The following NAA11 variants were observed in gnomAD, a reference collection of about 807,000 sequenced individuals.
NAA11 encodes N-alpha-acetyltransferase 11, NatA catalytic subunit.
A neutral mutation model predicts 16.1 loss-of-function variants in NAA11; 15 were observed. The ratio of observed to expected loss-of-function variants is 0.93; its 90% CI spans 0.62 to 1.44. The LOEUF (loss-of-function observed/expected upper bound fraction) is 1.44, where lower values mean the gene tolerates loss of function less well. NAA11 is among the 40% of genes most tolerant of loss of function. The pLI is 0.00. For synonymous variants in NAA11, 122 were observed against 112.4 expected, an observed-to-expected ratio of 1.09 and a Z score of -0.54; for missense variants, 298 against 291.3, an observed-to-expected ratio of 1.02 and a Z score of -0.17.
chr4:79,193,710 C>G, the NAA11 span, among the ~76,000 whole-genome samples: 1 of 152,262 alleles, frequency 6.6e-6, no homozygotes, highest in East Asian at 1.9e-4. Context: ...GCAATGCGGG[C>G]TCTTTTTTGG....
At chr4:79,167,205 A>G in the NAA11 span, among the ~76,000 whole-genome samples, 4 of 114,788 alleles carry the variant, frequency 3.5e-5, no homozygotes, top group African/African-American at 1.3e-4. Flanking sequence ...ATACATACAT[A>G]TATATACATA....
chr4:79,248,689 A>T (rs921260353), intron 2 of NAA11, among the ~76,000 whole-genome samples: 14 of 152,158 alleles, frequency 9.2e-5, no homozygotes, highest in Admixed American at 2.6e-4. Flanking sequence ...GAACATGTGC[A>T]TAGAGGGCAG....
At chr4:79,271,994 A>ATG (rs1491475996) in intron 2 of NAA11, among the ~76,000 whole-genome samples, 16 of 151,198 alleles carry the variant, frequency 1.1e-4, no homozygotes, top group African/African-American at 2.4e-4. Flanking sequence ...ATATATATAT[A>ATG]TGTATACACA....
chr4:79,312,334 A>G (rs999945649), downstream of NAA11, among the ~76,000 whole-genome samples: 3 of 152,096 alleles, frequency 2.0e-5, no homozygotes, highest in Non-Finnish European at 4.4e-5. Context: ...TGGTTTACTA[A>G]TGTTTTATTT....
chr4:79,187,906 G>A, the NAA11 span, among the ~76,000 whole-genome samples: 1 of 149,594 alleles, frequency 6.7e-6, no homozygotes, highest in Non-Finnish European at 1.5e-5. Flanking sequence ...GGCTGAGGCA[G>A]GAGAATGGCG....
intron 1 of NAA11, among the ~76,000 whole-genome samples, chr4:79,304,192 G>T (rs751484382): frequency 2.0e-5 from 3 of 152,118 alleles, no homozygotes; most frequent in Non-Finnish European, 4.4e-5. Context: ...ATGAACCTCA[G>T]CATCTGTAGA....
the NAA11 span, among the ~76,000 whole-genome samples, chr4:79,182,446 C>T: frequency 6.6e-6 from 1 of 152,092 alleles, no homozygotes; most frequent in Non-Finnish European, 1.5e-5. Context: ...ACACATCTAC[C>T]ATGTTAATGT....
chr4:79,186,269 G>T, the NAA11 span, among the ~76,000 whole-genome samples: 4 of 152,124 alleles, frequency 2.6e-5, no homozygotes, highest in Non-Finnish European at 5.9e-5. Context: ...TAATGGTAAT[G>T]ATATTATATG....
intron 2 of NAA11, among the ~76,000 whole-genome samples, chr4:79,226,844 T>G (rs1721328846): frequency 1.3e-5 from 2 of 152,032 alleles, no homozygotes; most frequent in South Asian, 4.1e-4. Context: ...GACATTTGGG[T>G]TGGTTCCAAG....
At chr4:79,290,220 GAC>G (rs1408325367) in intron 2 of NAA11, among the ~76,000 whole-genome samples, 1 of 152,128 alleles carries the variant, frequency 6.6e-6, no homozygotes, top group Non-Finnish European at 1.5e-5. Flanking sequence ...TTCTCTGGTT[GAC>G]ACAGTTGTGG....
At position 79,317,276 on chromosome 4, in the gene NAA11, C is replaced by T. The variant is rs1384339003; in HGVS notation, c.*528G>A. 6.6e-6 allele frequency: 1 copy of T among 151,858 alleles called. No individual in the cohort carries two copies. Among genetic ancestry groups the T allele is most frequent in the African/African-American group, 2.4e-5 (1 of 41,310 alleles). The allele number at this position is 151,858 out of a possible 1,614,324, so 9.4% of individuals were successfully genotyped here. ...GGGGAATAGTATAAAGGAGGAGTTACCAGAGAAAGGAAAAGGAAACTGAAT... is the reference window on the plus strand; with the variant it reads ...GGGGAATAGTATAAAGGAGGAGTTATCAGAGAAAGGAAAAGGAAACTGAAT... On this transcript the variant is annotated 3_prime_UTR_variant, in exon 2 of 2. Coordinates refer to ENST00000286794, the MANE Select transcript of NAA11 (RefSeq NM_032693.3).
intron 2 of NAA11, among the ~76,000 whole-genome samples, chr4:79,282,586 C>T (rs1722818856): frequency 6.6e-6 from 1 of 151,730 alleles, no homozygotes; most frequent in Admixed American, 6.6e-5. Flanking sequence ...TGAAAAATTT[C>T]CTAGAGCAAA....
the NAA11 span, among the ~76,000 whole-genome samples, chr4:79,200,832 G>A: frequency 1.3e-5 from 2 of 151,392 alleles, no homozygotes; most frequent in African/African-American, 4.9e-5. Flanking sequence ...ATGTTTCTGG[G>A]TTTTTTTCCT....
At chr4:79,277,312 T>G (rs1229557217) in intron 2 of NAA11, among the ~76,000 whole-genome samples, 1 of 152,082 alleles carries the variant, frequency 6.6e-6, no homozygotes, top group African/African-American at 2.4e-5. Context: ...TGTCATACCA[T>G]GTATCCGTAA....
intron 1 of NAA11, among the ~76,000 whole-genome samples, chr4:79,309,714 C>A (rs199683053): frequency 1.2e-5 from 1 of 81,420 alleles, no homozygotes; most frequent in South Asian, 5.2e-4. Flanking sequence ...TTTTTTTTTT[C>A]TTTTTTTTTT....
At chr4:79,177,720 CTG>C in the NAA11 span, among the ~76,000 whole-genome samples, 12 of 152,074 alleles carry the variant, frequency 7.9e-5, no homozygotes, top group Non-Finnish European at 1.8e-4. Flanking sequence ...AGAATTTAAA[CTG>C]TATCTTACTG....
At chr4:79,322,040 A>G (rs1724104609) in intron 1 of NAA11, among the ~76,000 whole-genome samples, 1 of 152,168 alleles carries the variant, frequency 6.6e-6, no homozygotes, top group Admixed American at 6.5e-5. Flanking sequence ...GATGACCCAC[A>G]TTGTACTATG....
intron 2 of NAA11, among the ~76,000 whole-genome samples, chr4:79,253,031 AGTG>A (rs1722030339): frequency 1.3e-5 from 2 of 152,196 alleles, no homozygotes; most frequent in Non-Finnish European, 2.9e-5. Flanking sequence ...TAGTAGTAGA[AGTG>A]GTGAGAAGTA....
intron 2 of NAA11, among the ~76,000 whole-genome samples, chr4:79,291,639 G>A (rs763958679): frequency 3.3e-5 from 5 of 151,994 alleles, no homozygotes; most frequent in East Asian, 1.9e-4. Context: ...CAGGAGAATC[G>A]CTTGAACCTG....
Sources: allele counts gnomAD v4.1 joint callset (sites outside exome capture counted in the v4.1 genomes callset), GRCh38; gene constraint gnomAD v4.1.1; transcripts MANE v1.5; gene names NCBI Gene and HGNC (gene_info 2026-07-23, HGNC 2026-07-21).